The following GSG1L variants were observed in gnomAD, a reference collection of about 807,000 sequenced individuals.
GSG1L encodes the protein GSG1 like, also known as germ cell-specific gene 1-like protein.
Under a neutral mutation model 42.1 loss-of-function variants are expected in GSG1L, and 24 were observed. The ratio of observed to expected loss-of-function variants is 0.57; its 90% CI spans 0.41 to 0.80. The LOEUF is 0.80. GSG1L is among the 30% of genes least tolerant of loss of function. GSG1L has a pLI of 0.00. For missense variants in GSG1L, 445 were observed against 472.2 expected (o/e 0.94, Z 0.53); for synonymous variants, 215 against 203.5 (o/e 1.06, Z -0.48).
intron 1 of GSG1L, among the ~76,000 whole-genome samples, chr16:28,021,476 T>G (rs1355473254): frequency 2.0e-5 from 3 of 152,204 alleles, no homozygotes; most frequent in African/African-American, 4.8e-5. Context: ...CATCTCCCTC[T>G]AACTGAGTGC....
At chr16:27,827,166 C>A (rs1291689989) in intron 5 of GSG1L, among the ~76,000 whole-genome samples, 1 of 152,190 alleles carries the variant, frequency 6.6e-6, no homozygotes, top group Non-Finnish European at 1.5e-5. Context: ...GGGCACAGGG[C>A]CTGGCACATA....
At chr16:27,940,803 T>A (rs2084783611) in intron 2 of GSG1L, among the ~76,000 whole-genome samples, 1 of 150,828 alleles carries the variant, frequency 6.6e-6, no homozygotes, top group African/African-American at 2.4e-5. Flanking sequence ...TGTATGCAGA[T>A]GTAACTAACC....
chr16:28,008,564 T>G lies in GSG1L; in HGVS notation c.350-45361A>C, dbSNP rs114230193. On this transcript the variant is annotated intron_variant, in intron 1 of 6. Transcript: ENST00000447459. The stretch of plus-strand genomic sequence containing the variant: ...CCTCATGGCCTCCCTGCCTCCCCTC[T>G]CACTCCCTTCCATCTGTTCCAACCC... 1.6e-3 allele frequency among the ~76,000 whole-genome samples: 242 copies of G among 152,262 alleles called. 1 individual carries two copies. The highest frequency in any genetic ancestry group is 5.7e-3 in the African/African-American group (235 of 41,550).
intron 1 of GSG1L, among the ~76,000 whole-genome samples, chr16:27,997,856 C>CT (rs35354576): frequency 0.45 from 38,574 of 85,130 alleles, 11,442 homozygotes; most frequent in East Asian, 0.72. Flanking sequence ...ACCCTCTCCA[C>CT]TTTTTTTTTT....
chr16:27,817,092 C>G (rs2083102673), intron 5 of GSG1L, among the ~76,000 whole-genome samples: 1 of 152,208 alleles, frequency 6.6e-6, no homozygotes, highest in Non-Finnish European at 1.5e-5. Context: ...ACTCTGAGGA[C>G]ACTGAGGGAG....
At chr16:27,818,867 AG>A (rs1231634408) in intron 5 of GSG1L, among the ~76,000 whole-genome samples, 1 of 152,158 alleles carries the variant, frequency 6.6e-6, no homozygotes, top group African/African-American at 2.4e-5. Context: ...ACACAGAAGG[AG>A]ATAAAGCCAT....
chr16:27,868,374 A>G (rs1174552254), intron 3 of GSG1L, among the ~76,000 whole-genome samples: 1 of 152,206 alleles, frequency 6.6e-6, no homozygotes, highest in Non-Finnish European at 1.5e-5. Context: ...CATTTAACTG[A>G]CATTTATTAA....
chr16:27,821,145 C>T (rs1418108081), intron 5 of GSG1L, among the ~76,000 whole-genome samples: 1 of 152,206 alleles, frequency 6.6e-6, no homozygotes, highest in African/African-American at 2.4e-5. Context: ...GATTGTGCCA[C>T]CCAGTTGCAC....
chr16:28,063,260 C>G lies in GSG1L; in HGVS notation c.165G>C (p.Ser55=), dbSNP rs2086366520. The G allele has an allele frequency of 1.5e-6, 2 of 1,316,684 alleles. No individual in the cohort carries two copies. Among genetic ancestry groups the G allele is most frequent in the Non-Finnish European group, 1.9e-6 (2 of 1,028,782 alleles). The allele number at this position is 1,316,684 out of a possible 1,614,324, so 81.6% of individuals were successfully genotyped here. Residue 55 remains serine (S), a synonymous_variant, in exon 1 of 7, where the codon TCG becomes TCC. Coordinates refer to ENST00000447459, the MANE Select transcript of GSG1L (RefSeq NM_001109763.2). The surrounding 1 kb of genome is among the most constrained non-coding windows in gnomAD (Gnocchi z 5.8). The part of the protein sequence containing the change: ...GQGGRANCPN[S]GANATANGTA... ...TGCCGTTGGCCGTGGCGTTGGCGCCCGAGTTGGGGCAGTTGGCGCGCCCGC... is the reference window on the plus strand; with the variant it reads ...TGCCGTTGGCCGTGGCGTTGGCGCCGGAGTTGGGGCAGTTGGCGCGCCCGC...
At chr16:27,876,123 T>C (rs2083884021) in intron 3 of GSG1L, among the ~76,000 whole-genome samples, 1 of 152,206 alleles carries the variant, frequency 6.6e-6, no homozygotes, top group Non-Finnish European at 1.5e-5. Flanking sequence ...TTAGACCCTC[T>C]GCATTTTTAA....
intron 1 of GSG1L, among the ~76,000 whole-genome samples, chr16:27,974,161 G>A (rs2085226062): frequency 6.6e-6 from 1 of 152,164 alleles, no homozygotes; most frequent in Admixed American, 6.5e-5. Context: ...TCAGGGAGGG[G>A]ACAGCAGAGG....
intron 3 of GSG1L, among the ~76,000 whole-genome samples, chr16:27,849,867 G>T (rs551617793): frequency 4.1e-4 from 62 of 150,612 alleles, no homozygotes; most frequent in Middle Eastern, 3.4e-3. Flanking sequence ...ACTCGCTGTT[G>T]GGCTGCACAC....
intron 2 of GSG1L, among the ~76,000 whole-genome samples, chr16:27,955,057 T>C (rs1053679032): frequency 2.6e-5 from 4 of 152,164 alleles, no homozygotes; most frequent in African/African-American, 9.7e-5. Context: ...AGCTTCAAAA[T>C]AGTAAGTTCG....
At chr16:27,800,532 C>T (rs2082869541) in intron 6 of GSG1L, among the ~76,000 whole-genome samples, 1 of 152,224 alleles carries the variant, frequency 6.6e-6, no homozygotes, top group South Asian at 2.1e-4. Flanking sequence ...GGCAACATCG[C>T]CTCCATCAAA....
chr16:27,900,559 C>T (rs549528728), intron 2 of GSG1L, among the ~76,000 whole-genome samples: 7 of 152,260 alleles, frequency 4.6e-5, no homozygotes, highest in African/African-American at 1.4e-4. Flanking sequence ...CAGGCTCCAT[C>T]TTCCAGGTAA....
chr16:28,063,260 C>A lies in GSG1L; in HGVS notation c.165G>T (p.Ser55=). 1.5e-6 allele frequency: 2 copies of A among 1,316,684 alleles called. No homozygotes were observed. The highest frequency in any genetic ancestry group is 1.9e-6 in the Non-Finnish European group (2 of 1,028,782). The allele number at this position is 1,316,684 out of a possible 1,614,324, so 81.6% of individuals were successfully genotyped here. A position where few individuals can be genotyped will look rare whatever the true frequency, so the allele number is the denominator to read the frequency against. The change falls in exon 1 of 7, where the codon TCG becomes TCT. Residue 55 remains serine, a synonymous_variant. Transcript: ENST00000447459. This position sits in a 1 kb window ranked among gnomAD's most constrained non-coding sequence, Gnocchi z 5.8. ...TGCCGTTGGCCGTGGCGTTGGCGCCCGAGTTGGGGCAGTTGGCGCGCCCGC... is the reference window on the plus strand; with the variant it reads ...TGCCGTTGGCCGTGGCGTTGGCGCCAGAGTTGGGGCAGTTGGCGCGCCCGC... The part of the protein sequence containing the change: ...GQGGRANCPN[S]GANATANGTA...
At position 27,789,282 on chromosome 16, in the gene GSG1L, T is replaced by C. The variant is rs1400103450; in HGVS notation, c.*2088A>G. 1 of 152,070 alleles carries C rather than the reference T, an allele frequency of 6.6e-6. No individual in the cohort carries two copies. Among genetic ancestry groups the C allele is most frequent in the Admixed American group, 6.6e-5 (1 of 15,254 alleles). The allele number at this position is 152,070 out of a possible 1,614,324, so 9.4% of individuals were successfully genotyped here. ...AAATGGATAATGCAGAAATGGATAA[T>C]GGATGGATGGATGGTTGATGGATAA... On this transcript the variant is annotated 3_prime_UTR_variant, in exon 7 of 7. Transcript: ENST00000447459.
At chr16:27,953,327 C>T (rs1042221670) in intron 2 of GSG1L, among the ~76,000 whole-genome samples, 5 of 152,126 alleles carry the variant, frequency 3.3e-5, no homozygotes, top group Admixed American at 6.5e-5. Context: ...TGGCTTCAAG[C>T]GATCTTCCCA....
intron 2 of GSG1L, among the ~76,000 whole-genome samples, chr16:27,933,727 C>A (rs2084682050): frequency 6.6e-6 from 1 of 151,250 alleles, no homozygotes; most frequent in African/African-American, 2.4e-5. Context: ...CCCTCAGAAC[C>A]CCAGAACCTC....
Sources: gnomAD v4.1 joint callset for allele counts (sites outside exome capture counted in the v4.1 genomes callset) on GRCh38, gnomAD v4.1.1 for gene constraint, Gnocchi (gnomAD v3.1) non-coding constraint, MANE v1.5 for transcripts, NCBI Gene and HGNC (gene_info 2026-07-23, HGNC 2026-07-21) for gene names.